The following CASP10 variants were observed in gnomAD, a reference collection of about 807,000 sequenced individuals.
CASP10 encodes caspase-10.
Under a neutral mutation model 48.5 loss-of-function variants are expected in CASP10, and 41 were observed. The observed-to-expected ratio is 0.85, with a 90% confidence interval of 0.66 to 1.10. The LOEUF (loss-of-function observed/expected upper bound fraction) is 1.10. Ranked by LOEUF, CASP10 falls within the 50% of genes least tolerant of loss-of-function variation. The probability of loss-of-function intolerance (pLI) is 0.00; values close to 1 mark genes in which losing one functional copy is unlikely to be tolerated. For missense variants in CASP10, 614 were observed against 614.5 expected (o/e 1.00, Z 0.01); for synonymous variants, 232 against 238.4 (o/e 0.97, Z 0.25).
chr2:201,195,688 C>CT (rs1236535465), intron 4 of CASP10, among the ~76,000 whole-genome samples, 154 bp from the exon 5 acceptor site: 2 of 148,882 alleles, frequency 1.3e-5, no homozygotes, highest in Non-Finnish European at 1.5e-5. Context: ...TTTTTTTTTT[C>CT]TTTTTTTTGA....
At chr2:201,225,951 G>T (rs373872939), downstream of CASP10, among the ~76,000 whole-genome samples, 6 of 152,194 alleles carry the variant, frequency 3.9e-5, no homozygotes, top group African/African-American at 1.2e-4. Context: ...GGGTGATAGA[G>T]TGAGACTCTG....
rs1372745018 is a variant in CASP10 at position 201,186,065 on chromosome 2, C to G, written c.288C>G (p.Asn96Lys). The G allele has an allele frequency of 1.2e-6, 2 of 1,612,558 alleles. No homozygotes were observed. Among genetic ancestry groups the G allele is most frequent in the African/African-American group, 2.7e-5 (2 of 74,890 alleles). ...IRQKKLLQHL[N>K]CTKEEVERLL... ...AGAAGAAGCTGCTGCAGCACCTCAACTGTACCAAAGAGGAAGTGGAGCGAC... is the reference window on the plus strand; with the variant it reads ...AGAAGAAGCTGCTGCAGCACCTCAAGTGTACCAAAGAGGAAGTGGAGCGAC... Residue 96 changes from asparagine to lysine, a missense_variant, in exon 2 of 10, where the codon AAC (asparagine) becomes AAG (lysine). Asn to Lys is a moderately conservative substitution (Grantham distance 94). Transcript: ENST00000286186.
chr2:201,224,632 GA>G (rs1424724825), downstream of CASP10, among the ~76,000 whole-genome samples: 1 of 152,166 alleles, frequency 6.6e-6, no homozygotes, highest in Admixed American at 6.5e-5. Context: ...TTTCTTGGAA[GA>G]AAGAACATAT....
chr2:201,193,049 C>G lies in CASP10; in HGVS notation c.507C>G (p.Cys169Trp), dbSNP rs774005416. The G allele has an allele frequency of 5.1e-5, 83 of 1,613,390 alleles. No homozygotes were observed. The highest frequency in any genetic ancestry group is 6.8e-5 in the Non-Finnish European group (80 of 1,179,512). ...QGKIDEDNLT[C>W]LEDLCKTVVP... ...AAATAGATGAAGATAATCTGACATGCCTGGAGGACCTCTGCAAAACAGTTG... is the reference window on the plus strand; with the variant it reads ...AAATAGATGAAGATAATCTGACATGGCTGGAGGACCTCTGCAAAACAGTTG... Residue 169 changes from cysteine to tryptophan, a missense_variant, in exon 4 of 10, where the codon TGC (cysteine) becomes TGG (tryptophan). Coordinates refer to ENST00000286186, the MANE Select transcript of CASP10 (RefSeq NM_032977.4).
exon 10 of CASP10, chr2:201,229,364 A>G (rs1404007606): frequency 4.1e-6 from 2 of 493,336 alleles, no homozygotes; most frequent in African/African-American, 3.9e-5. Flanking sequence ...CAAATGGTCC[A>G]TGGGGAAAAG....
At chr2:201,198,721 T>C (rs566765115) in intron 5 of CASP10, among the ~76,000 whole-genome samples, 158 of 151,428 alleles carry the variant, frequency 1.0e-3, no homozygotes, top group Non-Finnish European at 1.3e-3. Flanking sequence ...TTTGTATTTT[T>C]AGTAGAGACG....
At chr2:201,187,874 T>G in intron 3 of CASP10, 75 bp downstream of exon 3, 1 of 1,077,402 alleles carries the variant, frequency 9.3e-7, no homozygotes. Context: ...GGAAAGGGTT[T>G]TTAGGGAGAT....
exon 10 of CASP10, chr2:201,228,992 G>T: frequency 1.2e-6 from 2 of 1,614,068 alleles, no homozygotes; most frequent in Non-Finnish European, 1.7e-6. Flanking sequence ...ACAGTGTGGG[G>T]TGCTAAACAG....
At chr2:201,213,878 A>G (rs1945482934) in intron 9 of CASP10, 1 of 152,206 alleles carries the variant, frequency 6.6e-6, no homozygotes, top group African/African-American at 2.4e-5. Flanking sequence ...GGATAATATC[A>G]GGAAAGGATA....
chr2:201,195,980 A>G, intron 5 of CASP10, 32 bp downstream of exon 5: 1 of 1,468,318 alleles, frequency 6.8e-7, no homozygotes, highest in South Asian at 1.1e-5. Flanking sequence ...TCAATGCTTA[A>G]CAACCGGCTC....
rs529561375 is a variant in CASP10 at position 201,217,869 on chromosome 2, C to T, written c.*128C>T. The T allele has an allele frequency of 1.3e-6, 2 of 1,594,780 alleles. No individual in the cohort carries two copies. The highest frequency in any genetic ancestry group is 1.8e-5 in the Admixed American group (1 of 56,682). On this transcript the variant is annotated 3_prime_UTR_variant, in exon 10 of 10. Transcript: ENST00000286186. ...AAACAGGAAACACCGTGTTTTCTGA[C>T]ACAGTCAATTCTGATTTTCTTTTTC...
At chr2:201,211,428 A>T (rs1043943683) in intron 9 of CASP10, among the ~76,000 whole-genome samples, 1 of 152,148 alleles carries the variant, frequency 6.6e-6, no homozygotes, top group Non-Finnish European at 1.5e-5. Context: ...TGCTGTTCTA[A>T]TCACTGCTTC....
chr2:201,192,938 G>C, intron 3 of CASP10, 46 bp from the exon 4 acceptor site: 1 of 1,600,972 alleles, frequency 6.2e-7, no homozygotes, highest in Non-Finnish European at 8.5e-7. Flanking sequence ...TGAGTGAGTG[G>C]ATAATCAATA....
chr2:201,186,066 T>G lies in CASP10; in HGVS notation c.289T>G (p.Cys97Gly). Reference protein sequence around the residue: ...RQKKLLQHLNCTKEEVERLLP... With the variant: ...RQKKLLQHLNGTKEEVERLLP... ...GAAGAAGCTGCTGCAGCACCTCAAC[T>G]GTACCAAAGAGGAAGTGGAGCGACT... is the stretch of plus-strand genomic sequence containing the variant. The change falls in exon 2 of 10, where the codon TGT (cysteine) becomes GGT (glycine). Residue 97 changes from cysteine to glycine, a missense_variant. Physicochemically the swap from Cys to Gly is radical, Grantham distance 159 (BLOSUM62 -3). Coordinates refer to ENST00000286186, the MANE Select transcript of CASP10 (RefSeq NM_032977.4). 6.2e-7 allele frequency: 1 copy of G among 1,612,624 alleles called. No individual in the cohort carries two copies. Among genetic ancestry groups the G allele is most frequent in the Non-Finnish European group, 8.5e-7 (1 of 1,179,990 alleles).
At chr2:201,225,590 T>C (rs140763573), downstream of CASP10, among the ~76,000 whole-genome samples, 527 of 152,346 alleles carry the variant, frequency 3.5e-3, 4 homozygotes, top group African/African-American at 0.012. Flanking sequence ...TTTCTCTTGA[T>C]AACCCACTAT....
chr2:201,228,973 A>T, exon 10 of CASP10: 3 of 1,614,170 alleles, frequency 1.9e-6, no homozygotes, highest in Non-Finnish European at 2.5e-6. Flanking sequence ...AATCAGGGGC[A>T]GGAAGAGAAC....
chr2:201,219,147 G>C lies in CASP10; in HGVS notation c.*1406G>C, dbSNP rs1945657745. On this transcript the variant is annotated 3_prime_UTR_variant, in exon 10 of 10. Transcript: ENST00000286186. Reference sequence around the variant, plus strand: ...TAGCCAGGTGTGGCGGCGAGCACCTGTAATCCCAGCTACTCGGGAGGCTGA... The same window carrying C: ...TAGCCAGGTGTGGCGGCGAGCACCTCTAATCCCAGCTACTCGGGAGGCTGA... 1 of 237,102 alleles carries C rather than the reference G, an allele frequency of 4.2e-6. No individual in the cohort carries two copies. The allele number at this position is 237,102 out of a possible 1,614,324, so 14.7% of individuals were successfully genotyped here. A position where few individuals can be genotyped will look rare whatever the true frequency, so the allele number is the denominator to read the frequency against.
intron 3 of CASP10, among the ~76,000 whole-genome samples, chr2:201,190,321 C>T (rs1559295561): frequency 6.6e-6 from 1 of 152,072 alleles, no homozygotes; most frequent in Non-Finnish European, 1.5e-5. Context: ...CACACACACA[C>T]ATGACCTAAA....
intron 5 of CASP10, among the ~76,000 whole-genome samples, chr2:201,197,065 G>A (rs1944821641): frequency 1.3e-5 from 2 of 152,128 alleles, no homozygotes; most frequent in Admixed American, 1.3e-4. Flanking sequence ...TATACAGTAA[G>A]TCCTCACTTA....
Sources: allele counts gnomAD v4.1 joint callset (sites outside exome capture counted in the v4.1 genomes callset), GRCh38; gene constraint gnomAD v4.1.1; transcripts MANE v1.5; gene names NCBI Gene and HGNC (gene_info 2026-07-23, HGNC 2026-07-21).